The following RNF220 variants were observed in gnomAD, a reference collection of about 807,000 sequenced individuals.
RNF220 encodes the protein ring finger protein 220, also known as E3 ubiquitin-protein ligase RNF220.
RNF220 carries 7 observed loss-of-function variants against 67.1 expected under a neutral mutation model. The observed-to-expected ratio is 0.10, with a 90% CI of 0.06 to 0.20. RNF220 has a LOEUF of 0.20. RNF220 is among the 10% of genes least tolerant of loss of function. RNF220 has a pLI of 1.00. For missense variants in RNF220, 565 were observed against 740.3 expected, an observed-to-expected ratio of 0.76 and a Z score of 2.75; for synonymous variants, 270 against 283.2, an observed-to-expected ratio of 0.95 and a Z score of 0.47.
chr1:44,624,490 T>C lies in RNF220; in HGVS notation c.804+1703T>C, dbSNP rs1027521501. ...TGTCCTGAAACCACAGACACAGGCA[T>C]ACTGACCATGAGACACAGAGATAAG... On this transcript the variant is annotated intron_variant, in intron 4 of 14. Coordinates refer to ENST00000361799, the MANE Select transcript of RNF220 (RefSeq NM_018150.4). This position sits in a 1 kb window ranked among gnomAD's most constrained non-coding sequence, Gnocchi z 4.2. 6.6e-6 allele frequency among the ~76,000 whole-genome samples: 1 copy of C among 152,190 alleles called. No individual in the cohort carries two copies. Among genetic ancestry groups the C allele is most frequent in the Non-Finnish European group, 1.5e-5 (1 of 68,036 alleles).
chr1:44,528,972 A>G (rs527959652), intron 2 of RNF220, among the ~76,000 whole-genome samples: 15 of 152,374 alleles, frequency 9.8e-5, no homozygotes, highest in Middle Eastern at 6.8e-3. Flanking sequence ...AGTTAGGCAG[A>G]CATTCTTATA....
At chr1:44,543,714 G>A (rs1444529869) in intron 2 of RNF220, among the ~76,000 whole-genome samples, 1 of 152,108 alleles carries the variant, frequency 6.6e-6, no homozygotes, top group African/African-American at 2.4e-5. Flanking sequence ...ATACATGCAA[G>A]CATTTCACAT....
intron 2 of RNF220, among the ~76,000 whole-genome samples, chr1:44,460,487 T>G (rs1653653707): frequency 6.6e-6 from 1 of 151,904 alleles, no homozygotes; most frequent in African/African-American, 2.4e-5. Context: ...GCTGAAAAAA[T>G]AAGATAAAAA....
intron 2 of RNF220, among the ~76,000 whole-genome samples, chr1:44,487,933 G>T (rs1028383910): frequency 2.0e-5 from 3 of 149,468 alleles, no homozygotes; most frequent in African/African-American, 7.3e-5. Context: ...GCTCACTTTA[G>T]TAATAGGAGT....
At chr1:44,478,614 C>T (rs61202584) in intron 2 of RNF220, among the ~76,000 whole-genome samples, 8,054 of 151,976 alleles carry the variant, frequency 0.053, 744 homozygotes, top group African/African-American at 0.18. Context: ...CCCAGCTACT[C>T]GGGAGGCTGA....
chr1:44,419,965 C>G (rs550670435), intron 2 of RNF220: 1 of 152,172 alleles, frequency 6.6e-6, no homozygotes, highest in Admixed American at 6.5e-5. Flanking sequence ...CATCCCCTAT[C>G]GTGGAGTCCA....
chr1:44,521,239 T>C (rs1219036455), intron 2 of RNF220, among the ~76,000 whole-genome samples: 1 of 152,310 alleles, frequency 6.6e-6, no homozygotes, highest in East Asian at 1.9e-4. Flanking sequence ...TCTAAAACTT[T>C]AGCTGCCCCA....
At chr1:44,545,515 T>G (rs1169129276) in intron 2 of RNF220, 5 of 154,172 alleles carry the variant, frequency 3.2e-5, no homozygotes, top group Admixed American at 6.5e-5. Flanking sequence ...AAGAACTAGA[T>G]TTGAATCCAG....
intron 2 of RNF220, among the ~76,000 whole-genome samples, chr1:44,532,783 A>C (rs554672541): frequency 1.3e-5 from 2 of 152,238 alleles, no homozygotes; most frequent in Non-Finnish European, 2.9e-5. Context: ...GAAAAACACC[A>C]GTCATCTATT....
At chr1:44,495,508 AAC>A (rs1657261832) in intron 2 of RNF220, among the ~76,000 whole-genome samples, 1 of 152,212 alleles carries the variant, frequency 6.6e-6, no homozygotes, top group Non-Finnish European at 1.5e-5. Flanking sequence ...TTAGTAAGGG[AAC>A]GTAACCTAAT....
At chr1:44,546,192 C>T (rs898065152) in intron 2 of RNF220, among the ~76,000 whole-genome samples, 3 of 152,130 alleles carry the variant, frequency 2.0e-5, no homozygotes, top group East Asian at 1.9e-4. Flanking sequence ...GAGAAGCTGG[C>T]GAGCTCACTC....
chr1:44,614,398 G>A (rs1249767567), intron 3 of RNF220, 101 bp downstream of exon 3: 13 of 1,365,518 alleles, frequency 9.5e-6, no homozygotes, highest in South Asian at 4.2e-5. Context: ...CCAGCCCCTC[G>A]GGAAAAGACA....
chr1:44,629,693 A>T (rs1267439239), intron 5 of RNF220, among the ~76,000 whole-genome samples: 3 of 152,126 alleles, frequency 2.0e-5, no homozygotes, highest in Admixed American at 2.0e-4. Context: ...TAAAATAAAA[A>T]AAATTAATAA....
At chr1:44,521,002 C>A (rs1472285132) in intron 2 of RNF220, among the ~76,000 whole-genome samples, 1 of 152,124 alleles carries the variant, frequency 6.6e-6, no homozygotes, top group Non-Finnish European at 1.5e-5. Flanking sequence ...CTCAAAGGAT[C>A]CTCTCACCTC....
rs532430076 is a variant in RNF220 at position 44,626,757 on chromosome 1, G to A, written c.906+359G>A. The stretch of plus-strand genomic sequence containing the variant: ...TTTCAGACTTCAAAAGCATGATACC[G>A]GCCGGGTGCAGTGGCTCATGCCTGT... On this transcript the variant is annotated intron_variant, in intron 5 of 14. Coordinates refer to ENST00000361799, the MANE Select transcript of RNF220 (RefSeq NM_018150.4). The A allele has an allele frequency of 4.0e-4, 86 of 215,206 alleles. No homozygotes were observed. In the South Asian group the frequency reaches 7.0e-3, roughly 18 times the overall value. The allele number at this position is 215,206 out of a possible 1,614,324, so 13.3% of individuals were successfully genotyped here.
chr1:44,479,351 C>T (rs542538804), intron 2 of RNF220, among the ~76,000 whole-genome samples: 227 of 152,170 alleles, frequency 1.5e-3, no homozygotes, highest in African/African-American at 5.1e-3. Context: ...CTCCTGACCT[C>T]GTGATCCGCC....
chr1:44,599,449 G>A (rs1338941137), intron 2 of RNF220, among the ~76,000 whole-genome samples: 2 of 152,138 alleles, frequency 1.3e-5, no homozygotes, highest in Non-Finnish European at 2.9e-5. Flanking sequence ...GAGGTGGACG[G>A]ACTGCTTGAG....
chr1:44,423,842 G>C, intron 2 of RNF220: 1 of 985,350 alleles, frequency 1.0e-6, no homozygotes, highest in Non-Finnish European at 1.2e-6. Context: ...CTTTCGCGAG[G>C]GAGGTTAGGC....
intron 3 of RNF220, among the ~76,000 whole-genome samples, chr1:44,615,881 C>T (rs1643524557): frequency 6.6e-6 from 1 of 152,184 alleles, no homozygotes; most frequent in Non-Finnish European, 1.5e-5. Flanking sequence ...TCAGGAACAG[C>T]TTAGCTGGAT....
Sources: gnomAD v4.1 joint callset for allele counts (sites outside exome capture counted in the v4.1 genomes callset) on GRCh38, gnomAD v4.1.1 for gene constraint, Gnocchi (gnomAD v3.1) non-coding constraint, MANE v1.5 for transcripts, NCBI Gene and HGNC (gene_info 2026-07-23, HGNC 2026-07-21) for gene names.